The following ATG9B variants were observed in gnomAD, a reference collection of about 807,000 sequenced individuals.
ATG9B encodes the protein autophagy-related protein 9B.
ATG9B carries 92 observed loss-of-function variants against 92.9 expected under a neutral mutation model. The observed-to-expected ratio is 0.99, with a 90% CI of 0.84 to 1.18. The LOEUF (loss-of-function observed/expected upper bound fraction) is 1.18, where lower values mean the gene tolerates loss of function less well. ATG9B is among the 50% of genes most tolerant of loss of function. ATG9B has a pLI of 0.00. For synonymous variants in ATG9B, 599 were observed against 551.4 expected (o/e 1.09, Z -1.21); for missense variants, 1,344 against 1,235.0 (o/e 1.09, Z -1.32).
chr7:151,014,610 T>G (rs574892593), downstream of ATG9B: 40 of 156,368 alleles, frequency 2.6e-4, no homozygotes, highest in African/African-American at 4.2e-4. Context: ...GTTTTTTTTT[T>G]TTGTTTTTTT....
chr7:151,013,398 G>T (rs745585290), downstream of ATG9B: 9 of 1,603,470 alleles, frequency 5.6e-6, 1 homozygote, highest in Admixed American at 1.2e-4. Flanking sequence ...CCCTGAGGGC[G>T]CAATGGTAAC....
At chr7:151,014,599 A>AT, downstream of ATG9B, 3 of 156,592 alleles carry the variant, frequency 1.9e-5, no homozygotes, top group Non-Finnish European at 2.7e-5. Flanking sequence ...TGTGGATTAC[A>AT]GTTTTTTTTT....
downstream of ATG9B, chr7:151,014,081 C>T (rs1376658633): frequency 5.6e-6 from 9 of 1,613,934 alleles, no homozygotes; most frequent in Non-Finnish European, 5.9e-6. Flanking sequence ...CGCATACGCA[C>T]CCAGAGCTTT....
chr7:151,014,194 T>G (rs766891052), downstream of ATG9B: 4 of 1,584,306 alleles, frequency 2.5e-6, no homozygotes, highest in East Asian at 9.1e-5. Context: ...TCCCTTCCAG[T>G]TCCGGGAGAG....
chr7:151,017,802 G>A, intron 8 of ATG9B, 69 bp downstream of exon 8: 1 of 1,465,278 alleles, frequency 6.8e-7, no homozygotes. Flanking sequence ...CTGGAACTCA[G>A]GTCTGCTCCC....
downstream of ATG9B, chr7:151,013,890 A>C: frequency 1.9e-6 from 3 of 1,600,898 alleles, no homozygotes; most frequent in South Asian, 3.4e-5. Context: ...GAGCTGGACG[A>C]GGCCGGCGAC....
chr7:151,014,116 G>A (rs541336826), downstream of ATG9B: 2 of 1,613,486 alleles, frequency 1.2e-6, no homozygotes, highest in East Asian at 2.2e-5. Context: ...TCAGTTGCGG[G>A]GCGCAGTGCC....
At chr7:151,015,786 C>T (rs1035098488) in intron 13 of ATG9B, 73 bp from the exon 14 acceptor site, 10 of 1,433,454 alleles carry the variant, frequency 7.0e-6, no homozygotes, top group Non-Finnish European at 9.2e-6. Context: ...CCCATCACCC[C>T]AAATTCCCAC....
chr7:151,021,068 A>ACCTC (rs1795726616), intron 5 of ATG9B, 120 bp downstream of exon 5: 1 of 1,222,512 alleles, frequency 8.2e-7, no homozygotes, highest in African/African-American at 1.5e-5. Flanking sequence ...TGTCAATAAG[A>ACCTC]CCTCGCTCTT....
At position 151,018,189 on chromosome 7, in the gene ATG9B, G is replaced by A. The variant is rs1315107994; in HGVS notation, c.1872+105C>T. 20 of 1,472,708 alleles carry A rather than the reference G, an allele frequency of 1.4e-5. No individual in the cohort carries two copies. The highest frequency in any genetic ancestry group is 1.7e-5 in the Non-Finnish European group (19 of 1,116,576). 91.2% of individuals were successfully genotyped at this position (1,472,708 alleles called of 1,614,324 possible). A position where few individuals can be genotyped will look rare whatever the true frequency, so the allele number is the denominator to read the frequency against. On this transcript the variant is annotated intron_variant, in intron 7 of 13. Transcript: ENST00000639579. This position sits in a 1 kb window ranked among gnomAD's most constrained non-coding sequence, Gnocchi z 4.7. ...ACTCCCTAGACTCCTGGTATAGTCC[G>A]TTTGTCTCATGCCCTCTCCCAGACA...
At position 151,019,251 on chromosome 7, in the gene ATG9B, G is replaced by A; in HGVS notation, c.1087C>T (p.Arg363Cys). 6.4e-7 allele frequency: 1 copy of A among 1,567,902 alleles called. No homozygotes were observed. The highest frequency in any genetic ancestry group is 8.6e-7 in the Non-Finnish European group (1 of 1,163,640). Residue 363 changes from arginine to cysteine, a missense_variant, in exon 6 of 14, where the codon CGC becomes TGC. By Grantham distance (180) the Arg-to-Cys change is radical. Coordinates refer to ENST00000639579, the MANE Select transcript of ATG9B (RefSeq NM_001317056.2). Reference protein sequence around the residue: ...TELDIHHRILRYTNYQVALAN... With the variant: ...TELDIHHRILCYTNYQVALAN... ...AGCGCCACCTGGTAGTTGGTGTAGC[G>A]CAGGATGCGGTGGTGGATGTCCAGC...
chr7:151,023,572 C>G (rs1405347395), intron 2 of ATG9B, 63 bp from the exon 3 acceptor site: 49 of 1,610,978 alleles, frequency 3.0e-5, no homozygotes, highest in Non-Finnish European at 3.9e-5. Flanking sequence ...CACCTCCCCT[C>G]AGCCCCAACA....
chr7:151,021,077 T>C lies in ATG9B; in HGVS notation c.963+111A>G, dbSNP rs1367135906. The C allele has an allele frequency of 4.5e-6, 6 of 1,334,334 alleles. No homozygotes were observed. In the East Asian group the frequency reaches 1.4e-4, roughly 31 times the overall value. 82.7% of individuals were successfully genotyped at this position (1,334,334 alleles called of 1,614,324 possible). On this transcript the variant is annotated intron_variant, in intron 5 of 13. Coordinates refer to ENST00000639579, the MANE Select transcript of ATG9B (RefSeq NM_001317056.2). ...GGCAGGTGTCAATAAGACCTCGCTC[T>C]TTCTGCCCTCTTTCCAGTTGGCCCT... is the stretch of plus-strand genomic sequence containing the variant.
rs1795738819 is a variant in ATG9B at position 151,021,304 on chromosome 7, G to C, written c.847C>G (p.Leu283Val). ...AAGCCGGCAGCCAGGACCAGGAGGA[G>C]GACCAGCAGCGGGCTGGAGCGGATC... ...ERIRSSPLLV[L>V]LLVLAAGFWL... is the part of the protein sequence containing the mutation. The change falls in exon 5 of 14, where the codon CTC (leucine) becomes GTC (valine). Residue 283 changes from leucine (L) to valine (V), a missense_variant. Transcript: ENST00000639579. The C allele has an allele frequency of 1.2e-6, 2 of 1,612,562 alleles. No homozygotes were observed. Among genetic ancestry groups the C allele is most frequent in the Non-Finnish European group, 8.5e-7 (1 of 1,179,306 alleles).
In ATG9B at chr7:151,024,351, C is replaced by A; in HGVS notation, c.73G>T (p.Val25Leu). 1.4e-6 allele frequency: 2 copies of A among 1,396,620 alleles called. No homozygotes were observed. Among genetic ancestry groups the A allele is most frequent in the Non-Finnish European group, 1.9e-6 (2 of 1,070,788 alleles). 86.5% of individuals were successfully genotyped at this position (1,396,620 alleles called of 1,614,324 possible). A position where few individuals can be genotyped will look rare whatever the true frequency, so the allele number is the denominator to read the frequency against. ...GGCAGTGGCATGGGGAGGAGGGGCA[C>A]CGATCCGGGCCCCAGATCTCCCCAC... The part of the protein sequence containing the change: ...GRWGDLGPGS[V>L]PLLPMPLPPP... Residue 25 changes from valine (V) to leucine (L), a missense_variant, in exon 1 of 14, where the codon GTG (valine) becomes TTG (leucine). By Grantham distance (32) the Val-to-Leu change is conservative. Transcript: ENST00000639579.
At chr7:151,013,650 G>A (rs983973307), downstream of ATG9B, 24 of 1,371,068 alleles carry the variant, frequency 1.8e-5, no homozygotes, top group Non-Finnish European at 2.4e-5. Context: ...CACGTCCAGG[G>A]CCAGCCAGCA....
downstream of ATG9B, chr7:151,013,116 G>A (rs41483644): frequency 3.5e-3 from 3,881 of 1,104,376 alleles, 84 homozygotes; most frequent in African/African-American, 0.05. Context: ...CCAAAGTAAT[G>A]GTGGTTTCAG....
In ATG9B at chr7:151,018,021, C is replaced by T. The variant is rs758697648; in HGVS notation, c.1902G>A (p.Pro634=). The T allele has an allele frequency of 6.3e-7, 1 of 1,597,672 alleles. No individual in the cohort carries two copies. ...AVSLLEELLS[P]LLTPLFLLFW... ...AAAGCAGAAACAGCGGGGTGAGGAG[C>T]GGGGACAGGAGCTCCTCCAGGAGGG... Residue 634 remains proline, a synonymous_variant, in exon 8 of 14, where the codon CCG becomes CCA. Coordinates refer to ENST00000639579, the MANE Select transcript of ATG9B (RefSeq NM_001317056.2). The surrounding 1 kb of genome is among the most constrained non-coding windows in gnomAD (Gnocchi z 4.7).
chr7:151,012,237 A>ATT, downstream of ATG9B: 4 of 803,786 alleles, frequency 5.0e-6, no homozygotes, highest in Admixed American at 3.5e-5. Flanking sequence ...TTTTTTTTTA[A>ATT]TTTTTTTTTG....
Sources: allele counts gnomAD v4.1 joint callset, GRCh38; gene constraint gnomAD v4.1.1; non-coding constraint Gnocchi (gnomAD v3.1); transcripts MANE v1.5; gene names NCBI Gene and HGNC (gene_info 2026-07-23, HGNC 2026-07-21).